Variants in SLC25A25 observed in about 807,000 individuals in gnomAD.
SLC25A25 encodes the protein solute carrier family 25 member 25, also known as mitochondrial adenyl nucleotide antiporter SLC25A25.
A neutral mutation model predicts 57.7 loss-of-function variants in SLC25A25; 32 were observed. The observed-to-expected ratio is 0.55, with a 90% confidence interval of 0.42 to 0.74. The LOEUF is 0.74. SLC25A25 is among the 30% of genes least tolerant of loss of function. SLC25A25 has a pLI of 0.00. For missense variants in SLC25A25, 556 were observed against 701.3 expected, an observed-to-expected ratio of 0.79 and a Z score of 2.34; for synonymous variants, 306 against 291.2, an observed-to-expected ratio of 1.05 and a Z score of -0.52.
intron 1 of SLC25A25, among the ~76,000 whole-genome samples, chr9:128,097,038 G>GT (rs1355315137): frequency 6.6e-6 from 1 of 152,214 alleles, no homozygotes; most frequent in East Asian, 1.9e-4. Context: ...TCAACATCTT[G>GT]TAACACCCTC....
rs1406822749 is a variant in SLC25A25, at chr9:128,106,356, C to T, written c.1048C>T (p.Leu350=). The T allele has an allele frequency of 3.1e-6, 5 of 1,613,778 alleles. No individual in the cohort carries two copies. The South Asian group carries it at 5.5e-5, about 18-fold the overall frequency. The change falls in exon 9 of 11, where the codon CTG becomes TTG. Residue 350 remains leucine, a synonymous_variant. Transcript: ENST00000373069. ...TCCCGCTGCTCCTGTTGTGCAGGTC[C>T]TGAAGACCCGGATGGCGCTGCGGAA... is the stretch of plus-strand genomic sequence containing the variant. ...AQSSIYPMEV[L]KTRMALRKTG...
intron 1 of SLC25A25, among the ~76,000 whole-genome samples, chr9:128,086,280 C>T (rs1833271712): frequency 6.6e-6 from 1 of 150,698 alleles, no homozygotes; most frequent in African/African-American, 2.4e-5. Context: ...TCCTGCCTTA[C>T]CCTCCCGAGT....
intron 1 of SLC25A25, among the ~76,000 whole-genome samples, chr9:128,075,339 G>A (rs536205522): frequency 1.4e-4 from 21 of 152,044 alleles, no homozygotes; most frequent in African/African-American, 4.6e-4. Context: ...GAGAGAGCAC[G>A]AGCCTGTCTG....
chr9:128,083,779 A>G (rs930510712), intron 1 of SLC25A25, among the ~76,000 whole-genome samples: 1 of 151,624 alleles, frequency 6.6e-6, no homozygotes, highest in African/African-American at 2.4e-5. Context: ...CGGCCTCCCA[A>G]AGTGCTGGGA....
chr9:128,100,870 T>C (rs1588782570), intron 1 of SLC25A25: 3 of 557,750 alleles, frequency 5.4e-6, no homozygotes, highest in Non-Finnish European at 9.5e-6. Context: ...GGAGACAAGA[T>C]TGGCCCTTGC....
At chr9:128,084,388 G>A (rs1833230302) in intron 1 of SLC25A25, among the ~76,000 whole-genome samples, 2 of 151,656 alleles carry the variant, frequency 1.3e-5, no homozygotes, top group African/African-American at 2.4e-5. Flanking sequence ...AGCCTCCCGA[G>A]TAGCTGGGTT....
chr9:128,106,116 G>A (rs748266755), intron 7 of SLC25A25, 34 bp from the exon 8 acceptor site: 5 of 1,612,860 alleles, frequency 3.1e-6, no homozygotes, highest in African/African-American at 1.3e-5. Flanking sequence ...CAACCTCTGG[G>A]TATATCAGGT....
intron 1 of SLC25A25, among the ~76,000 whole-genome samples, chr9:128,097,748 C>G (rs1404631781): frequency 1.3e-5 from 2 of 152,160 alleles, no homozygotes; most frequent in Non-Finnish European, 2.9e-5. Flanking sequence ...TCTGGGGAGT[C>G]CTTTGGCATG....
In SLC25A25 at chr9:128,105,888, A is replaced by C. The variant is rs777019540; in HGVS notation, c.936+7A>C. On this transcript the variant is annotated splice_region_variant and intron_variant, in intron 7 of 10. Coordinates refer to ENST00000373069, the MANE Select transcript of SLC25A25 (RefSeq NM_001330988.2). ...ATTCATGGCCTATGAGCAGGTGAGG[A>C]CCCAGCTCCTCAGGAGGGTCACCGG... 6.2e-7 allele frequency: 1 copy of C among 1,613,006 alleles called. No individual in the cohort carries two copies. Among genetic ancestry groups the C allele is most frequent in the Non-Finnish European group, 8.5e-7 (1 of 1,179,420 alleles).
intron 1 of SLC25A25, among the ~76,000 whole-genome samples, chr9:128,073,870 A>C (rs181748912): frequency 6.6e-6 from 1 of 150,912 alleles, no homozygotes; most frequent in East Asian, 2.0e-4. Flanking sequence ...TGTAGCTGGG[A>C]TTACAGGCCT....
In SLC25A25 at chr9:128,101,012, C is replaced by G; in HGVS notation, c.262-84C>G. 1 of 1,575,460 alleles carries G rather than the reference C, an allele frequency of 6.3e-7. No homozygotes were observed. Among genetic ancestry groups the G allele is most frequent in the Non-Finnish European group, 8.7e-7 (1 of 1,155,650 alleles). ...CAGCTCTGCTCGCAATTAGTGAAGT[C>G]ATTGCCTGGGGATGGGGCCCCACAA... is the stretch of plus-strand genomic sequence containing the variant. On this transcript the variant is annotated intron_variant, in intron 1 of 10. Transcript: ENST00000373069. This position sits in a 1 kb window ranked among gnomAD's most constrained non-coding sequence, Gnocchi z 4.9.
At chr9:128,086,522 A>G (rs1391006480) in intron 1 of SLC25A25, among the ~76,000 whole-genome samples, 2 of 151,852 alleles carry the variant, frequency 1.3e-5, no homozygotes, top group Non-Finnish European at 2.9e-5. Context: ...TAGTAGAGAC[A>G]GGTTTTCTCC....
Position 128,107,845 on chromosome 9 carries a change from G to A in SLC25A25, c.*401G>A. On this transcript the variant is annotated 3_prime_UTR_variant, in exon 11 of 11. Transcript: ENST00000373069. Reference sequence around the variant, plus strand: ...TCTGGTCTGCCGTGCATCTCCCTGTGCCCTCTTGCTGCCTGCCTGTCTGCT... The same window carrying A: ...TCTGGTCTGCCGTGCATCTCCCTGTACCCTCTTGCTGCCTGCCTGTCTGCT... 5.0e-6 allele frequency: 2 copies of A among 402,124 alleles called. No individual in the cohort carries two copies. Among genetic ancestry groups the A allele is most frequent in the Non-Finnish European group, 8.8e-6 (2 of 228,512 alleles). 24.9% of individuals were successfully genotyped at this position (402,124 alleles called of 1,614,324 possible). A position where few individuals can be genotyped will look rare whatever the true frequency, so the allele number is the denominator to read the frequency against.
intron 1 of SLC25A25, among the ~76,000 whole-genome samples, chr9:128,083,634 C>T (rs531942913): frequency 5.3e-5 from 8 of 150,628 alleles, no homozygotes; most frequent in East Asian, 1.9e-4. Flanking sequence ...CTCAGCATCC[C>T]GAGTAGCTGG....
chr9:128,106,943 T>G, intron 9 of SLC25A25, 86 bp from the exon 10 acceptor site: 1 of 1,499,344 alleles, frequency 6.7e-7, no homozygotes, highest in East Asian at 2.3e-5. Context: ...CGGGTTCCAG[T>G]GGCCTGAGGA....
Position 128,099,355 on chromosome 9 carries a change from G to A in SLC25A25, c.262-1741G>A. 8.0e-7 allele frequency: 1 copy of A among 1,246,724 alleles called. No individual in the cohort carries two copies. Among genetic ancestry groups the A allele is most frequent in the South Asian group, 1.3e-5 (1 of 76,060 alleles). 77.2% of individuals were successfully genotyped at this position (1,246,724 alleles called of 1,614,324 possible). On this transcript the variant is annotated intron_variant, in intron 1 of 10. Coordinates refer to ENST00000373069, the MANE Select transcript of SLC25A25 (RefSeq NM_001330988.2). This position sits in a 1 kb window ranked among gnomAD's most constrained non-coding sequence, Gnocchi z 6.8. ...CCCAGGCCCTGTGAGGCAGAAGCAAGCACTTTGAGAATGCGTTGAAGCCAG... is the reference window on the plus strand; with the variant it reads ...CCCAGGCCCTGTGAGGCAGAAGCAAACACTTTGAGAATGCGTTGAAGCCAG...
intron 1 of SLC25A25, among the ~76,000 whole-genome samples, chr9:128,087,611 T>C (rs986581026): frequency 6.6e-6 from 1 of 152,172 alleles, no homozygotes; most frequent in Non-Finnish European, 1.5e-5. Context: ...TTTTAATAAA[T>C]TTGGAGAAAT....
At chr9:128,070,529 C>T (rs1239748171) in intron 1 of SLC25A25, among the ~76,000 whole-genome samples, 3 of 151,922 alleles carry the variant, frequency 2.0e-5, no homozygotes, top group Non-Finnish European at 2.9e-5. Context: ...GCGTGAGCCA[C>T]CGCACCCGGC....
Position 128,107,365 on chromosome 9 carries a change from T to G in SLC25A25, c.1469T>G (p.Met490Arg). ...TACAGGGGGCTGGCCCCCAACTTCA[T>G]GAAGGTCATCCCAGCTGTGAGCATC... ...GLYRGLAPNF[M>R]KVIPAVSISY... The change falls in exon 11 of 11, where the codon ATG (methionine) becomes AGG (arginine). Residue 490 changes from methionine (M) to arginine (R), a missense_variant. This residue lies in a region of SLC25A25 where 294 missense variants were observed against 389.6 expected (regional missense o/e 0.75). Transcript: ENST00000373069. The G allele has an allele frequency of 6.6e-7, 1 of 1,515,662 alleles. No individual in the cohort carries two copies. Among genetic ancestry groups the G allele is most frequent in the Non-Finnish European group, 8.8e-7 (1 of 1,130,682 alleles). 93.9% of individuals were successfully genotyped at this position (1,515,662 alleles called of 1,614,324 possible). A position where few individuals can be genotyped will look rare whatever the true frequency, so the allele number is the denominator to read the frequency against.
Sources: allele counts gnomAD v4.1 joint callset (sites outside exome capture counted in the v4.1 genomes callset), GRCh38; gene constraint gnomAD v4.1.1; regional missense constraint gnomAD v4.1.1; non-coding constraint Gnocchi (gnomAD v3.1); transcripts MANE v1.5; gene names NCBI Gene and HGNC (gene_info 2026-07-23, HGNC 2026-07-21).